The following PHYHIPL variants were observed in gnomAD, a reference collection of about 807,000 sequenced individuals.
PHYHIPL encodes phytanoyl-CoA 2-hydroxylase interacting protein like, also known as phytanoyl-CoA hydroxylase-interacting protein-like.
Under a neutral mutation model 33.4 loss-of-function variants are expected in PHYHIPL, and 9 were observed. That is an observed-to-expected ratio of 0.27 (90% CI 0.16 to 0.47). The LOEUF is 0.47. Among genes scored for constraint, PHYHIPL ranks in the 20% least tolerant of loss-of-function variants. The pLI, the probability that PHYHIPL is intolerant of heterozygous loss-of-function variation, is 0.99. For synonymous variants in PHYHIPL, 153 were observed against 154.1 expected (o/e 0.99, Z 0.05); for missense variants, 365 against 460.7 (o/e 0.79, Z 1.90).
chr10:59,224,491 A>AAAACAAAACG (rs1564454984), intron 1 of PHYHIPL, among the ~76,000 whole-genome samples: 1 of 146,502 alleles, frequency 6.8e-6, no homozygotes, highest in Admixed American at 6.8e-5. Context: ...AAAACAAAAC[A>AAAACAAAACG]AAACAAAAAA....
intron 1 of PHYHIPL, chr10:59,177,501 GA>G (rs1460412311): frequency 1.3e-6 from 2 of 1,550,760 alleles, no homozygotes; most frequent in African/African-American, 2.7e-5. Flanking sequence ...TGAGGGCGCA[GA>G]AAAACAGTGC....
At chr10:59,244,967 T>G in intron 4 of PHYHIPL, 90 bp from the exon 5 acceptor site, 2 of 1,351,886 alleles carry the variant, frequency 1.5e-6, no homozygotes, top group Non-Finnish European at 2.0e-6. Flanking sequence ...CCTTTAACAG[T>G]AGATGTTTGA....
At chr10:59,200,438 G>A (rs1281690324) in intron 1 of PHYHIPL, among the ~76,000 whole-genome samples, 1 of 152,194 alleles carries the variant, frequency 6.6e-6, no homozygotes, top group Admixed American at 6.6e-5. Flanking sequence ...GCTTTTTGAT[G>A]TGCTGCTGGA....
In PHYHIPL at chr10:59,246,598, G is replaced by T. The variant is rs1311359047; in HGVS notation, c.*1007G>T. On this transcript the variant is annotated 3_prime_UTR_variant, in exon 5 of 5. Transcript: ENST00000373880. ...GTTTTCGTATAAAATAACACAAAAT[G>T]ATATACACTGAAGTTGATGAAGCAA... is the stretch of plus-strand genomic sequence containing the variant. 2.5e-6 allele frequency: 1 copy of T among 397,340 alleles called. No individual in the cohort carries two copies. The highest frequency in any genetic ancestry group is 4.4e-6 in the Non-Finnish European group (1 of 225,054). The allele number at this position is 397,340 out of a possible 1,614,324, so 24.6% of individuals were successfully genotyped here.
intron 1 of PHYHIPL, among the ~76,000 whole-genome samples, chr10:59,184,277 C>T (rs76250671): frequency 3.9e-5 from 6 of 152,316 alleles, no homozygotes; most frequent in Admixed American, 6.5e-5. Flanking sequence ...CTTGCTACAA[C>T]AACAGGGCTG....
At chr10:59,243,440 G>A (rs569340369) in intron 4 of PHYHIPL, among the ~76,000 whole-genome samples, 13 of 152,200 alleles carry the variant, frequency 8.5e-5, no homozygotes, top group Non-Finnish European at 1.5e-4. Context: ...TGGAACATCA[G>A]AAAGAAAAAA....
rs960438128 is a variant in PHYHIPL, at chr10:59,218,012, C to T, written c.107-16292C>T. Among the ~76,000 whole-genome samples the T allele has an allele frequency of 4.6e-5, 7 of 152,084 alleles. No homozygotes were observed. In the East Asian group the frequency reaches 7.7e-4, roughly 17 times the overall value. ...AAAAATTTCTAACGTTAATAATATA[C>T]GTATACTTGACATCAGACCCAAAGT... On this transcript the variant is annotated intron_variant, in intron 1 of 4. Transcript: ENST00000373880.
rs745453654 is a variant in PHYHIPL at position 59,245,386 on chromosome 10, A to C, written c.926A>C (p.Lys309Thr). ...RLPQLNSKDN[K>T]FLTCTEEDGV... ...CCTCAACTAAATTCTAAGGATAATA[A>C]ATTTTTGACCTGTACAGAAGAAGAT... Residue 309 changes from lysine (K) to threonine (T), a missense_variant, in exon 5 of 5, where the codon AAA (lysine) becomes ACA (threonine). Transcript: ENST00000373880. The C allele has an allele frequency of 1.2e-6, 2 of 1,614,108 alleles. No homozygotes were observed. The highest frequency in any genetic ancestry group is 1.7e-6 in the Non-Finnish European group (2 of 1,180,020).
intron 1 of PHYHIPL, among the ~76,000 whole-genome samples, chr10:59,230,179 TC>T (rs1840038743): frequency 6.6e-6 from 1 of 151,692 alleles, no homozygotes; most frequent in South Asian, 2.1e-4. Context: ...TTATGCATCT[TC>T]CTAAATACAT....
intron 1 of PHYHIPL, among the ~76,000 whole-genome samples, chr10:59,179,743 A>G (rs540910791): frequency 1.3e-5 from 2 of 151,180 alleles, no homozygotes; most frequent in Non-Finnish European, 1.5e-5. Flanking sequence ...CAATAATTCA[A>G]TTTTTTTCAT....
rs533258972 is a variant in PHYHIPL, at chr10:59,227,180, T to C, written c.107-7124T>C. Among the ~76,000 whole-genome samples the C allele has an allele frequency of 1.1e-4, 17 of 152,222 alleles. No homozygotes were observed. The South Asian group carries it at 1.2e-3, about 11-fold the overall frequency. The stretch of plus-strand genomic sequence containing the variant: ...GAATACCCAAGACTGGGTAATTCAT[T>C]AAAAAAAGAAATTTACTTCTTGTAG... On this transcript the variant is annotated intron_variant, in intron 1 of 4. Transcript: ENST00000373880.
intron 4 of PHYHIPL, among the ~76,000 whole-genome samples, chr10:59,244,005 A>C (rs2133306243): frequency 6.6e-6 from 1 of 152,236 alleles, no homozygotes; most frequent in South Asian, 2.1e-4. Context: ...CCCTGCCAGA[A>C]CCACAATGCC....
chr10:59,226,015 T>C (rs1218270920), intron 1 of PHYHIPL, among the ~76,000 whole-genome samples: 1 of 152,092 alleles, frequency 6.6e-6, no homozygotes, highest in Non-Finnish European at 1.5e-5. Flanking sequence ...CTGTGTTTTT[T>C]TAACAGTAAA....
chr10:59,186,436 C>T (rs1422251205), intron 1 of PHYHIPL, among the ~76,000 whole-genome samples: 3 of 152,092 alleles, frequency 2.0e-5, no homozygotes, highest in South Asian at 4.2e-4. Context: ...TTAGGATTGT[C>T]TCGGCAATGT....
intron 1 of PHYHIPL, among the ~76,000 whole-genome samples, chr10:59,210,792 G>A (rs1215098945): frequency 6.6e-6 from 1 of 152,126 alleles, no homozygotes; most frequent in African/African-American, 2.4e-5. Context: ...AGTGAAACTG[G>A]AAACCATCAT....
chr10:59,233,527 C>T (rs184044125), intron 1 of PHYHIPL, among the ~76,000 whole-genome samples: 5 of 151,520 alleles, frequency 3.3e-5, no homozygotes, highest in Admixed American at 2.0e-4. Context: ...TATGTCTTTC[C>T]TATATGTAAA....
intron 1 of PHYHIPL, among the ~76,000 whole-genome samples, chr10:59,187,478 A>C (rs945630109): frequency 2.6e-5 from 4 of 152,206 alleles, no homozygotes; most frequent in African/African-American, 9.6e-5. Flanking sequence ...TGCTGGCCTC[A>C]TAAAATGAGT....
intron 1 of PHYHIPL, among the ~76,000 whole-genome samples, chr10:59,205,254 A>T (rs1839253707): frequency 6.6e-6 from 1 of 152,176 alleles, no homozygotes; most frequent in Admixed American, 6.6e-5. Context: ...TATTCATGTT[A>T]TCCTGATGTA....
intron 1 of PHYHIPL, among the ~76,000 whole-genome samples, chr10:59,195,817 C>T (rs1313273721): frequency 1.3e-5 from 2 of 151,802 alleles, no homozygotes; most frequent in Non-Finnish European, 1.5e-5. Context: ...TTGTAAATGC[C>T]ATGGTTATAT....
Sources: gnomAD v4.1 joint callset for allele counts (sites outside exome capture counted in the v4.1 genomes callset) on GRCh38, gnomAD v4.1.1 for gene constraint, MANE v1.5 for transcripts, NCBI Gene and HGNC (gene_info 2026-07-23, HGNC 2026-07-21) for gene names.